The following UGT3A1 variants were observed in gnomAD, a reference collection of about 807,000 sequenced individuals.
UGT3A1 encodes UDP glycosyltransferase family 3 member A1, also known as UDP-glycosyltransferase 3A1.
Under a neutral mutation model 37.6 loss-of-function variants are expected in UGT3A1, and 40 were observed. The observed-to-expected ratio is 1.06, with a 90% confidence interval of 0.83 to 1.38. The LOEUF (loss-of-function observed/expected upper bound fraction) is 1.38. Among genes scored for constraint, UGT3A1 ranks in the 40% most tolerant of loss-of-function variants. The pLI is 0.00. For missense variants in UGT3A1, 642 were observed against 634.2 expected, an observed-to-expected ratio of 1.01 and a Z score of -0.13; for synonymous variants, 256 against 232.3, an observed-to-expected ratio of 1.10 and a Z score of -0.93.
At position 35,991,262 on chromosome 5, in the gene UGT3A1, G is replaced by A; in HGVS notation, c.-22C>T. 1 of 1,614,108 alleles carries A rather than the reference G, an allele frequency of 6.2e-7. No individual in the cohort carries two copies. The highest frequency in any genetic ancestry group is 8.5e-7 in the Non-Finnish European group (1 of 1,179,954). ...CCATGCTCACTTCCACAGAAGCAGC[G>A]GATCTCAGCCTGGGCTGCGCGCCCT... On this transcript the variant is annotated 5_prime_UTR_variant, in exon 1 of 7. Transcript: ENST00000274278.
chr5:35,996,137 A>G (rs975980624), upstream of UGT3A1, among the ~76,000 whole-genome samples: 7 of 152,158 alleles, frequency 4.6e-5, no homozygotes, highest in Non-Finnish European at 8.8e-5. Context: ...TCTCCATCTG[A>G]AGACTCTTGC....
chr5:35,968,219 A>G, intron 2 of UGT3A1, 86 bp from the exon 3 acceptor site: 2 of 791,682 alleles, frequency 2.5e-6, no homozygotes, highest in Non-Finnish European at 1.9e-6. Context: ...GTTTTATTCT[A>G]TTAATTTTAC....
chr5:35,975,762 G>C (rs4585480), intron 2 of UGT3A1, among the ~76,000 whole-genome samples: 77,557 of 151,552 alleles, frequency 0.51, 22,610 homozygotes, highest in Non-Finnish European at 0.66. Flanking sequence ...TGTTGCATAT[G>C]TATACATGTG....
chr5:35,995,680 G>T (rs1292884735), upstream of UGT3A1, among the ~76,000 whole-genome samples: 1 of 152,066 alleles, frequency 6.6e-6, no homozygotes, highest in Non-Finnish European at 1.5e-5. Context: ...CCGAAATCCA[G>T]AAGACAGGCA....
chr5:35,954,500 G>T, intron 6 of UGT3A1, 22 bp from the exon 7 acceptor site: 1 of 1,610,508 alleles, frequency 6.2e-7, no homozygotes, highest in Non-Finnish European at 8.5e-7. Flanking sequence ...GACAGAGAGG[G>T]TGTGTTACTG....
chr5:35,975,871 C>T (rs1740248430), intron 2 of UGT3A1, among the ~76,000 whole-genome samples: 1 of 152,086 alleles, frequency 6.6e-6, no homozygotes, highest in African/African-American at 2.4e-5. Context: ...ACAGTTACAG[C>T]TACAGGTGGT....
intron 2 of UGT3A1, among the ~76,000 whole-genome samples, chr5:35,972,494 C>T (rs951147579): frequency 9.9e-5 from 14 of 141,338 alleles, no homozygotes; most frequent in Non-Finnish European, 1.7e-4. Context: ...CCTTGAAATA[C>T]GTGTGTGTGT....
chr5:35,954,492 CAGAG>C lies in UGT3A1; in HGVS notation c.1296-18_1296-15del, dbSNP rs767462567. 154 of 1,611,934 alleles carry C rather than the reference CAGAG, an allele frequency of 9.6e-5. No homozygotes were observed. Among genetic ancestry groups the C allele is most frequent in the Non-Finnish European group, 1.2e-4 (144 of 1,178,346 alleles). ...GCCGACTTGTACCTGTTGGCGGAGA[CAGAG>C]AGGGTGTGTTACTGACGTAGCCTCA... On this transcript the variant is annotated splice_polypyrimidine_tract_variant and intron_variant, in intron 6 of 6. Coordinates refer to ENST00000274278, the MANE Select transcript of UGT3A1 (RefSeq NM_152404.4).
intron 2 of UGT3A1, among the ~76,000 whole-genome samples, chr5:35,983,123 T>A (rs1740594656): frequency 6.6e-6 from 1 of 151,970 alleles, no homozygotes. Flanking sequence ...CAGGCAGTTC[T>A]ATATAGTAAT....
Position 35,965,396 on chromosome 5 carries a change from G to T in UGT3A1, c.833C>A (p.Pro278Gln). Residue 278 changes from proline (P) to glutamine (Q), a missense_variant, in exon 4 of 7, where the codon CCA (proline) becomes CAA (glutamine). Physicochemically the swap from Pro to Gln is moderately conservative, Grantham distance 76. Transcript: ENST00000274278. ...TGAGGGTTCACTTACTTGTGGTACT[G>T]GTTTAATAGGTTTTTCCATCAAGCC... is the stretch of plus-strand genomic sequence containing the variant. Reference protein sequence around the residue: ...IGGLMEKPIKPVPQDLDNFIA... With the variant: ...IGGLMEKPIKQVPQDLDNFIA... 1 of 1,613,880 alleles carries T rather than the reference G, an allele frequency of 6.2e-7. No individual in the cohort carries two copies. Among genetic ancestry groups the T allele is most frequent in the South Asian group, 1.1e-5 (1 of 91,052 alleles).
chr5:35,975,686 TTTATTTAC>T (rs1192530840), intron 2 of UGT3A1, among the ~76,000 whole-genome samples: 2 of 152,138 alleles, frequency 1.3e-5, no homozygotes, highest in Non-Finnish European at 2.9e-5. Context: ...TTTTTTTCAT[TTTATTTAC>T]TTATTTATTT....
intron 2 of UGT3A1, among the ~76,000 whole-genome samples, chr5:35,969,483 C>A (rs938966275): frequency 3.9e-5 from 6 of 152,086 alleles, no homozygotes; most frequent in African/African-American, 1.4e-4. Context: ...CACCCATCCA[C>A]CCACCACCAC....
rs551082840 is a variant in UGT3A1 at position 35,978,800 on chromosome 5, T to C, written c.196+9650A>G. 8.5e-5 allele frequency among the ~76,000 whole-genome samples: 13 copies of C among 152,300 alleles called. No homozygotes were observed. The South Asian group carries it at 2.7e-3, about 32-fold the overall frequency. On this transcript the variant is annotated intron_variant, in intron 2 of 6. Coordinates refer to ENST00000274278, the MANE Select transcript of UGT3A1 (RefSeq NM_152404.4). ...ATTAACTCAAAAGTCCACAGTCCAA[T>C]GTCTCATCCGAGACAAGGCAAGTCC... is the stretch of plus-strand genomic sequence containing the variant.
At chr5:35,998,465 T>C (rs1741145241) in intron 1 of UGT3A1, among the ~76,000 whole-genome samples, 1 of 152,230 alleles carries the variant, frequency 6.6e-6, no homozygotes. Context: ...TCAAGATCTG[T>C]CAGCTGGTCA....
upstream of UGT3A1, among the ~76,000 whole-genome samples, chr5:35,993,281 T>C (rs1250305082): frequency 2.6e-5 from 4 of 152,076 alleles, no homozygotes; most frequent in Non-Finnish European, 2.9e-5. Flanking sequence ...CTGGCCAACA[T>C]GGTGAAATCC....
chr5:35,990,852 G>T, intron 1 of UGT3A1: 1 of 1,108,058 alleles, frequency 9.0e-7, no homozygotes, highest in Non-Finnish European at 1.2e-6. Flanking sequence ...AGGAACTCAA[G>T]CTCTGGTCCT....
intron 2 of UGT3A1, among the ~76,000 whole-genome samples, chr5:35,979,723 A>T (rs1740441846): frequency 6.6e-6 from 1 of 152,114 alleles, no homozygotes; most frequent in African/African-American, 2.4e-5. Context: ...ACCCCACTCT[A>T]CTAGTACCAA....
chr5:35,959,272 C>T (rs953508430), intron 4 of UGT3A1, among the ~76,000 whole-genome samples: 2 of 152,118 alleles, frequency 1.3e-5, no homozygotes, highest in South Asian at 2.1e-4. Context: ...GTCCAATTTT[C>T]AACAAAAGAT....
intron 2 of UGT3A1, among the ~76,000 whole-genome samples, chr5:35,971,733 C>A (rs1455126574): frequency 6.6e-6 from 1 of 152,094 alleles, no homozygotes; most frequent in African/African-American, 2.4e-5. Context: ...CAGCTCTCAG[C>A]CAGAGAGGTA....
Sources: allele counts gnomAD v4.1 joint callset (sites outside exome capture counted in the v4.1 genomes callset), GRCh38; gene constraint gnomAD v4.1.1; transcripts MANE v1.5; gene names NCBI Gene and HGNC (gene_info 2026-07-23, HGNC 2026-07-21).